Variants in SPRY4 observed in about 807,000 individuals in gnomAD.
SPRY4 encodes the protein protein sprouty homolog 4.
Under a neutral mutation model 17.0 loss-of-function variants are expected in SPRY4, and 7 were observed. The ratio of observed to expected loss-of-function variants is 0.41; its 90% CI spans 0.23 to 0.77. SPRY4 has a LOEUF of 0.77. Ranked by LOEUF, SPRY4 falls within the 30% of genes least tolerant of loss-of-function variation. SPRY4 has a pLI of 0.32. For synonymous variants in SPRY4, 183 were observed against 174.1 expected (o/e 1.05, Z -0.40); for missense variants, 435 against 419.9 (o/e 1.04, Z -0.31).
chr5:142,321,758 A>G (rs1399466280), intron 1 of SPRY4, among the ~76,000 whole-genome samples: 3 of 152,208 alleles, frequency 2.0e-5, no homozygotes, highest in African/African-American at 7.2e-5. Flanking sequence ...TTTTCTGAAT[A>G]AAGAGGGAGG....
chr5:142,314,645 T>C lies in SPRY4; in HGVS notation c.464A>G (p.His155Arg). Residue 155 changes from histidine (H) to arginine (R), a missense_variant, in exon 2 of 2, where the codon CAC becomes CGC. By Grantham distance (29) the His-to-Arg change is conservative. Transcript: ENST00000434127. The surrounding 1 kb of genome is among the most constrained non-coding windows in gnomAD (Gnocchi z 4.8). ...GPAVPPELDK[H>R]FLLCEACGKC... The stretch of plus-strand genomic sequence containing the variant: ...CCCACAGGCCTCGCACAGCAAGAAG[T>C]GCTTGTCCAGCTCGGGTGGGACCGC... The C allele has an allele frequency of 6.2e-7, 1 of 1,614,198 alleles. No homozygotes were observed. The highest frequency in any genetic ancestry group is 8.5e-7 in the Non-Finnish European group (1 of 1,180,034).
intron 1 of SPRY4, among the ~76,000 whole-genome samples, chr5:142,322,300 G>A (rs1172011131): frequency 6.6e-6 from 1 of 151,946 alleles, no homozygotes; most frequent in African/African-American, 2.4e-5. Flanking sequence ...GTGAAACCCT[G>A]TCTCTACTAA....
At position 142,314,363 on chromosome 5, in the gene SPRY4, A is replaced by G. The variant is rs372597519; in HGVS notation, c.746T>C (p.Leu249Pro). Residue 249 changes from leucine to proline, a missense_variant, in exon 2 of 2, where the codon CTC (leucine) becomes CCC (proline). Leu to Pro is a moderately conservative substitution (Grantham distance 98). Coordinates refer to ENST00000434127, the MANE Select transcript of SPRY4 (RefSeq NM_001127496.3). This position sits in a 1 kb window ranked among gnomAD's most constrained non-coding sequence, Gnocchi z 4.8. ...GALSVVLPCLLCYLPATGCVK... is the reference protein window; with the variant it reads ...GALSVVLPCLPCYLPATGCVK... ...GCAGCCGGTGGCAGGCAGGTAGCAGAGCAGGCAGGGCAGCACCACGGAGAG... is the reference window on the plus strand; with the variant it reads ...GCAGCCGGTGGCAGGCAGGTAGCAGGGCAGGCAGGGCAGCACCACGGAGAG... 1.9e-6 allele frequency: 3 copies of G among 1,613,974 alleles called. No homozygotes were observed. The highest frequency in any genetic ancestry group is 1.7e-5 in the Admixed American group (1 of 59,986).
rs1759034756 is a variant in SPRY4 at position 142,314,130 on chromosome 5, C to T, written c.*79G>A. On this transcript the variant is annotated 3_prime_UTR_variant, in exon 2 of 2. Transcript: ENST00000434127. The surrounding 1 kb of genome is among the most constrained non-coding windows in gnomAD (Gnocchi z 4.8). ...GGTCAGCCTCAGGAGGCTAAAACCT[C>T]TGACCTTGCTGCAGTCTTCTTAGAT... 10 of 1,468,572 alleles carry T rather than the reference C, an allele frequency of 6.8e-6. No individual in the cohort carries two copies. The highest frequency in any genetic ancestry group is 1.4e-5 in the African/African-American group (1 of 72,018). 91.0% of individuals were successfully genotyped at this position (1,468,572 alleles called of 1,614,324 possible).
Position 142,315,083 on chromosome 5 carries a change from G to A in SPRY4, c.26C>T (p.Ala9Val). ...CATGACTGAGTTGGGAGTCAAGGGG[G>A]CGCTCTGTGGGATCGGGGGCTCCAT... MEPPIPQS[A>V]PLTPNSVMVQ... The change falls in exon 2 of 2, where the codon GCC becomes GTC. Residue 9 changes from alanine (A) to valine (V), a missense_variant. Coordinates refer to ENST00000434127, the MANE Select transcript of SPRY4 (RefSeq NM_001127496.3). 6.2e-7 allele frequency: 1 copy of A among 1,612,770 alleles called. No homozygotes were observed. The highest frequency in any genetic ancestry group is 8.5e-7 in the Non-Finnish European group (1 of 1,179,976).
At chr5:142,316,855 G>T (rs1759170648) in intron 1 of SPRY4, among the ~76,000 whole-genome samples, 1 of 152,204 alleles carries the variant, frequency 6.6e-6, no homozygotes, top group Non-Finnish European at 1.5e-5. Flanking sequence ...TCAGTCAACT[G>T]ATATTTCCCA....
At position 142,312,681 on chromosome 5, in the gene SPRY4, G is replaced by A. The variant is rs762485700; in HGVS notation, c.*1528C>T. On this transcript the variant is annotated 3_prime_UTR_variant, in exon 2 of 2. Transcript: ENST00000434127. ...AGGGGAAAACAAAATACCACACAAA[G>A]CAAGAACCCCACACAAAAGCTGGGG... 4 of 152,276 alleles carry A rather than the reference G, an allele frequency of 2.6e-5. No homozygotes were observed. The highest frequency in any genetic ancestry group is 5.9e-5 in the Non-Finnish European group (4 of 68,062). 9.4% of individuals were successfully genotyped at this position (152,276 alleles called of 1,614,324 possible). A position where few individuals can be genotyped will look rare whatever the true frequency, so the allele number is the denominator to read the frequency against.
Position 142,315,002 on chromosome 5 carries a change from G to GT in SPRY4, c.106dup (p.Thr36AsnfsTer6). The GT allele has an allele frequency of 6.2e-7, 1 of 1,613,948 alleles. No individual in the cohort carries two copies. The highest frequency in any genetic ancestry group is 8.5e-7 in the Non-Finnish European group (1 of 1,180,022). On this transcript the variant is annotated frameshift_variant, in exon 2 of 2. Transcript: ENST00000434127. LOFTEE classifies it high-confidence loss of function. ...CTTCACCTGGTCAATGGGTAGGATG[G>GT]TGAGTGGGTGCTGGAGCCGGCTGTG...
intron 1 of SPRY4, chr5:142,317,052 A>C: frequency 1.0e-6 from 1 of 985,466 alleles, no homozygotes; most frequent in Non-Finnish European, 1.2e-6. Context: ...TCCTTGTGGC[A>C]GAGTTTACCT....
intron 1 of SPRY4, among the ~76,000 whole-genome samples, chr5:142,320,561 G>A (rs1320144016): frequency 2.6e-5 from 4 of 152,126 alleles, no homozygotes; most frequent in Admixed American, 6.5e-5. Flanking sequence ...AATCAGCTTC[G>A]AGTTTCTGCT....
rs1758918970 is a variant in SPRY4, at chr5:142,311,713, ACT to A, written c.*2494_*2495del. 1 of 152,170 alleles carries A rather than the reference ACT, an allele frequency of 6.6e-6. No homozygotes were observed. Among genetic ancestry groups the A allele is most frequent in the Non-Finnish European group, 1.5e-5 (1 of 68,036 alleles). 9.4% of individuals were successfully genotyped at this position (152,170 alleles called of 1,614,324 possible). On this transcript the variant is annotated 3_prime_UTR_variant, in exon 2 of 2. Transcript: ENST00000434127. The stretch of plus-strand genomic sequence containing the variant: ...CCCATGACCACTGAGCACACGAGGC[ACT>A]GAGGTGGACTCTTAGAGAGCACTCT...
chr5:142,318,403 T>C (rs1399216045), intron 1 of SPRY4, among the ~76,000 whole-genome samples: 2 of 151,876 alleles, frequency 1.3e-5, no homozygotes, highest in African/African-American at 4.8e-5. Context: ...GGAGAGTCAC[T>C]TGAACCCAGG....
intron 1 of SPRY4, among the ~76,000 whole-genome samples, chr5:142,323,531 G>A (rs1759422894): frequency 6.6e-6 from 1 of 152,172 alleles, no homozygotes; most frequent in African/African-American, 2.4e-5. Context: ...TGCCCCTCCA[G>A]CAGCTGGTGA....
intron 1 of SPRY4, among the ~76,000 whole-genome samples, chr5:142,322,801 C>T (rs566916666): frequency 3.9e-5 from 6 of 152,356 alleles, no homozygotes; most frequent in African/African-American, 1.4e-4. Context: ...AATCCCCACC[C>T]TACACCCGTA....
chr5:142,319,551 T>C (rs1181263744), intron 1 of SPRY4, among the ~76,000 whole-genome samples: 1 of 152,074 alleles, frequency 6.6e-6, no homozygotes, highest in Non-Finnish European at 1.5e-5. Flanking sequence ...AACTTAAGGG[T>C]CCCTAGGGTA....
At chr5:142,315,401 A>C (rs1240428867) in intron 1 of SPRY4, 2 of 447,614 alleles carry the variant, frequency 4.5e-6, no homozygotes, top group African/African-American at 3.8e-5. Flanking sequence ...ATATGCATTA[A>C]GTCATTGACT....
intron 1 of SPRY4, chr5:142,319,826 C>A: frequency 6.3e-7 from 1 of 1,589,648 alleles, no homozygotes; most frequent in South Asian, 1.2e-5. Context: ...GTTAAATGTC[C>A]GCACAATTGA....
At chr5:142,317,513 A>T (rs1759196046) in intron 1 of SPRY4, 1 of 985,198 alleles carries the variant, frequency 1.0e-6, no homozygotes, top group Non-Finnish European at 1.2e-6. Context: ...CAGCAGTTTG[A>T]AGCTTCTATT....
At chr5:142,322,911 G>A (rs952361493) in intron 1 of SPRY4, among the ~76,000 whole-genome samples, 2 of 152,298 alleles carry the variant, frequency 1.3e-5, no homozygotes, top group East Asian at 3.9e-4. Context: ...AGATGGGAAA[G>A]AGGAAATGTG....
Sources: allele counts gnomAD v4.1 joint callset (sites outside exome capture counted in the v4.1 genomes callset), GRCh38; gene constraint gnomAD v4.1.1; non-coding constraint Gnocchi (gnomAD v3.1); transcripts MANE v1.5; gene names NCBI Gene and HGNC (gene_info 2026-07-23, HGNC 2026-07-21).